The following DCDC2 variants were observed in gnomAD, a reference collection of about 807,000 sequenced individuals.
DCDC2 encodes the protein doublecortin domain containing 2.
In DCDC2, 40 loss-of-function variants were observed where a neutral mutation model predicts 50.2. That is an observed-to-expected ratio of 0.80 (90% CI 0.62 to 1.04). The LOEUF is 1.04. Ranked by LOEUF, DCDC2 falls within the 50% of genes least tolerant of loss-of-function variation. DCDC2 has a pLI of 0.00. For synonymous variants in DCDC2, 234 were observed against 210.6 expected (o/e 1.11, Z -0.96); for missense variants, 570 against 581.9 (o/e 0.98, Z 0.21).
chr6:24,372,658 T>C, the DCDC2 span, among the ~76,000 whole-genome samples: 2 of 151,642 alleles, frequency 1.3e-5, no homozygotes, highest in Admixed American at 6.6e-5. Flanking sequence ...CAGCAAACTA[T>C]CGCAAGGACA....
chr6:24,182,950 T>C (rs1334316845), intron 8 of DCDC2, among the ~76,000 whole-genome samples: 2 of 152,174 alleles, frequency 1.3e-5, no homozygotes, highest in East Asian at 1.9e-4. Flanking sequence ...AGTATATCCA[T>C]ACAATGGAGT....
intron 2 of DCDC2, among the ~76,000 whole-genome samples, chr6:24,343,992 T>A (rs969734157): frequency 6.6e-6 from 1 of 152,180 alleles, no homozygotes; most frequent in East Asian, 1.9e-4. Context: ...TAAAAACTCA[T>A]TTAGCAATTT....
intron 8 of DCDC2, among the ~76,000 whole-genome samples, chr6:24,203,766 C>T (rs1343506427): frequency 1.3e-5 from 2 of 151,636 alleles, no homozygotes; most frequent in African/African-American, 2.4e-5. Context: ...TCAGAATCTA[C>T]AAGGAACTTA....
At position 24,171,760 on chromosome 6, in the gene DCDC2, T is replaced by G. The variant is rs1304048709; in HGVS notation, c.*2970A>C. 1 of 152,156 alleles carries G rather than the reference T, an allele frequency of 6.6e-6. No homozygotes were observed. The highest frequency in any genetic ancestry group is 1.5e-5 in the Non-Finnish European group (1 of 68,010). 9.4% of individuals were successfully genotyped at this position (152,156 alleles called of 1,614,324 possible). ...AAACACCCTTAGCCTCAAAATGACT[T>G]TTGTCAAAATCTTCTTTATTTGCTC... is the stretch of plus-strand genomic sequence containing the variant. On this transcript the variant is annotated 3_prime_UTR_variant, in exon 10 of 10. Transcript: ENST00000378454.
chr6:24,322,491 C>CGTT (rs1479110229), intron 2 of DCDC2, among the ~76,000 whole-genome samples: 1 of 54,152 alleles, frequency 1.8e-5, no homozygotes, highest in Non-Finnish European at 4.5e-5. Context: ...TGTTTTCCTT[C>CGTT]CTTTTTTTTT....
chr6:24,366,552 A>G, the DCDC2 span, among the ~76,000 whole-genome samples: 1 of 152,238 alleles, frequency 6.6e-6, no homozygotes, highest in African/African-American at 2.4e-5. Flanking sequence ...CATGGTAAAC[A>G]TTAAGTGTTT....
At chr6:24,351,831 C>T (rs1760377828) in intron 2 of DCDC2, among the ~76,000 whole-genome samples, 1 of 152,182 alleles carries the variant, frequency 6.6e-6, no homozygotes, top group African/African-American at 2.4e-5. Flanking sequence ...TAAGGCCGGG[C>T]TTGGTGGCTC....
intron 7 of DCDC2, among the ~76,000 whole-genome samples, chr6:24,259,133 G>A (rs1023775772): frequency 6.7e-6 from 1 of 150,224 alleles, no homozygotes; most frequent in East Asian, 1.9e-4. Flanking sequence ...CAAGACATGT[G>A]AAAAAAAAAC....
intron 7 of DCDC2, among the ~76,000 whole-genome samples, chr6:24,212,492 C>T (rs1027123914): frequency 6.6e-6 from 1 of 152,180 alleles, no homozygotes; most frequent in Admixed American, 6.5e-5. Flanking sequence ...TACCACCAAC[C>T]CCAGACACCC....
chr6:24,283,087 T>C (rs976005424), intron 6 of DCDC2, among the ~76,000 whole-genome samples: 4 of 152,204 alleles, frequency 2.6e-5, no homozygotes, highest in African/African-American at 9.7e-5. Context: ...AGTCGTTGGC[T>C]TTCACTTTCA....
intron 7 of DCDC2, among the ~76,000 whole-genome samples, chr6:24,268,117 C>G (rs915176939): frequency 6.6e-6 from 1 of 152,190 alleles, no homozygotes; most frequent in Non-Finnish European, 1.5e-5. Flanking sequence ...GAGACAATGA[C>G]TTAACTTTGT....
intron 7 of DCDC2, among the ~76,000 whole-genome samples, chr6:24,220,879 AGAGCGAGAGAGTGAGCGAGC>A (rs1158075289): frequency 1.0e-4 from 11 of 107,028 alleles, no homozygotes; most frequent in African/African-American, 1.4e-4. Flanking sequence ...CAAGAGAGCG[AGAGCGAGAGAGTGAGCGAGC>A]GAGCGAGAGA....
intron 2 of DCDC2, among the ~76,000 whole-genome samples, chr6:24,346,821 A>G (rs1405514628): frequency 6.6e-6 from 1 of 152,138 alleles, no homozygotes; most frequent in Non-Finnish European, 1.5e-5. Flanking sequence ...GACATCAATG[A>G]AAGAATTTCA....
At chr6:24,290,808 G>T in intron 5 of DCDC2, 124 bp downstream of exon 5, 1 of 841,146 alleles carries the variant, frequency 1.2e-6, no homozygotes, top group Non-Finnish European at 1.8e-6. Context: ...TACCATATAT[G>T]CTTTCCATTC....
At chr6:24,299,300 A>T (rs1759322954) in intron 4 of DCDC2, among the ~76,000 whole-genome samples, 2 of 152,172 alleles carry the variant, frequency 1.3e-5, no homozygotes, top group South Asian at 4.1e-4. Context: ...GTACAGATGG[A>T]CATAAAAATA....
the DCDC2 span, among the ~76,000 whole-genome samples, chr6:24,372,925 A>T: frequency 6.6e-6 from 1 of 152,106 alleles, no homozygotes; most frequent in African/African-American, 2.4e-5. Flanking sequence ...ATAAAAAAAT[A>T]AAACAAAAAA....
chr6:24,368,686 A>AG, the DCDC2 span, among the ~76,000 whole-genome samples: 1 of 12,418 alleles, frequency 8.1e-5, no homozygotes, highest in Non-Finnish European at 3.1e-4. Flanking sequence ...TGGCTCAGAC[A>AG]GAAAAAAAAA....
intron 2 of DCDC2, among the ~76,000 whole-genome samples, chr6:24,348,603 C>T (rs764235518): frequency 6.6e-6 from 1 of 152,172 alleles, no homozygotes; most frequent in African/African-American, 2.4e-5. Flanking sequence ...TTGACTCTTA[C>T]AGATATAATT....
At chr6:24,194,125 A>G (rs553214574) in intron 8 of DCDC2, among the ~76,000 whole-genome samples, 2 of 152,292 alleles carry the variant, frequency 1.3e-5, no homozygotes, top group African/African-American at 4.8e-5. Flanking sequence ...TCCATGAGAA[A>G]TAGCTAAACT....
Sources: allele counts gnomAD v4.1 joint callset (sites outside exome capture counted in the v4.1 genomes callset), GRCh38; gene constraint gnomAD v4.1.1; transcripts MANE v1.5; gene names NCBI Gene and HGNC (gene_info 2026-07-23, HGNC 2026-07-21).